The following NOL4 variants were observed in gnomAD, a reference collection of about 807,000 sequenced individuals.
NOL4 encodes the protein nucleolar protein 4.
A neutral mutation model predicts 75.9 loss-of-function variants in NOL4; 17 were observed. The observed-to-expected ratio is 0.22, with a 90% CI of 0.15 to 0.34. The LOEUF is 0.34. Ranked by LOEUF, NOL4 falls within the 10% of genes least tolerant of loss-of-function variation. The pLI, the probability that NOL4 is intolerant of heterozygous loss-of-function variation, is 1.00. For missense variants in NOL4, 614 were observed against 793.5 expected (o/e 0.77, Z 2.72); for synonymous variants, 292 against 289.9 (o/e 1.01, Z -0.07).
intron 1 of NOL4, among the ~76,000 whole-genome samples, chr18:34,207,411 AT>A (rs1429798754): frequency 9.2e-5 from 14 of 152,306 alleles, no homozygotes; most frequent in African/African-American, 3.1e-4. Flanking sequence ...ACAGTTAATG[AT>A]TCCAATGTCA....
chr18:33,969,617 C>A (rs2070880762), intron 6 of NOL4, among the ~76,000 whole-genome samples: 1 of 151,928 alleles, frequency 6.6e-6, no homozygotes, highest in Admixed American at 6.6e-5. Context: ...TTTGTATAAC[C>A]ATAGATGGTA....
At chr18:34,142,274 G>A (rs530194595) in intron 1 of NOL4, among the ~76,000 whole-genome samples, 28 of 152,290 alleles carry the variant, frequency 1.8e-4, no homozygotes, top group African/African-American at 5.1e-4. Context: ...TCAGTGTGGC[G>A]ATTCCTCAAG....
At chr18:34,023,618 C>A in intron 5 of NOL4, 1 of 326,646 alleles carries the variant, frequency 3.1e-6, no homozygotes. Flanking sequence ...AAAACAGCAC[C>A]TGGAGCTTTG....
Position 34,158,698 on chromosome 18 carries a change from C to T in NOL4, c.265-28678G>A, listed in dbSNP as rs1412514368. On this transcript the variant is annotated intron_variant, in intron 1 of 10. Coordinates refer to ENST00000261592, the MANE Select transcript of NOL4 (RefSeq NM_003787.5). ...TTCCTATAAATAGCTATATATCCTT[C>T]TAATGAAAACTAGGGATTCTACATA... The T allele has an allele frequency of 2.0e-5, 3 of 152,208 alleles. No homozygotes were observed. In the South Asian group the frequency reaches 6.2e-4, roughly 31 times the overall value. 9.4% of individuals were successfully genotyped at this position (152,208 alleles called of 1,614,324 possible). A position where few individuals can be genotyped will look rare whatever the true frequency, so the allele number is the denominator to read the frequency against.
At chr18:34,001,083 C>A (rs1375989972) in intron 6 of NOL4, among the ~76,000 whole-genome samples, 1 of 152,002 alleles carries the variant, frequency 6.6e-6, no homozygotes, top group African/African-American at 2.4e-5. Context: ...GAAATTAGGA[C>A]AATATATCTT....
intron 9 of NOL4, among the ~76,000 whole-genome samples, chr18:33,914,129 G>T (rs1230240630): frequency 6.6e-6 from 1 of 152,080 alleles, no homozygotes; most frequent in Non-Finnish European, 1.5e-5. Flanking sequence ...AGCATGAAAG[G>T]AGGATATAAA....
At chr18:34,114,079 C>A (rs1002417150) in intron 2 of NOL4, among the ~76,000 whole-genome samples, 1 of 152,146 alleles carries the variant, frequency 6.6e-6, no homozygotes, top group Non-Finnish European at 1.5e-5. Flanking sequence ...ACTAAAAATA[C>A]TATTCTACTA....
At chr18:33,880,538 A>C (rs1261003826) in intron 10 of NOL4, among the ~76,000 whole-genome samples, 1 of 152,064 alleles carries the variant, frequency 6.6e-6, no homozygotes, top group Non-Finnish European at 1.5e-5. Context: ...ACCAACCAAG[A>C]GTCAGTACAG....
chr18:33,863,195 C>G (rs1301393735), intron 10 of NOL4, among the ~76,000 whole-genome samples: 1 of 152,034 alleles, frequency 6.6e-6, no homozygotes, highest in Non-Finnish European at 1.5e-5. Flanking sequence ...ACCACATATT[C>G]TCACTTATAG....
At chr18:34,195,909 TAAAGA>T (rs1240222958) in intron 1 of NOL4, among the ~76,000 whole-genome samples, 6 of 152,170 alleles carry the variant, frequency 3.9e-5, no homozygotes, top group African/African-American at 1.4e-4. Context: ...TCCCAGTAGA[TAAAGA>T]ATTCATTTTT....
chr18:34,153,838 A>G (rs2029872044), intron 1 of NOL4, among the ~76,000 whole-genome samples: 1 of 152,050 alleles, frequency 6.6e-6, no homozygotes, highest in South Asian at 2.1e-4. Context: ...TGCCATCTAG[A>G]ACATGTGGTT....
intron 2 of NOL4, among the ~76,000 whole-genome samples, chr18:34,123,181 G>A (rs1193130653): frequency 6.7e-6 from 1 of 150,030 alleles, no homozygotes; most frequent in Non-Finnish European, 1.5e-5. Flanking sequence ...CAGATTTGCA[G>A]TATTACTCTG....
At chr18:33,882,874 C>G (rs957313378) in intron 10 of NOL4, among the ~76,000 whole-genome samples, 2 of 151,656 alleles carry the variant, frequency 1.3e-5, no homozygotes, top group African/African-American at 4.9e-5. Flanking sequence ...TACTATGCAG[C>G]CATAAAAAAT....
chr18:34,110,958 A>G lies in NOL4; in HGVS notation c.415-5798T>C, dbSNP rs191580210. ...CATCAAAAATAAAATAAACTAGAAAAACAATTCAATCAAGACGATAAAAGA... is the reference window on the plus strand; with the variant it reads ...CATCAAAAATAAAATAAACTAGAAAGACAATTCAATCAAGACGATAAAAGA... On this transcript the variant is annotated intron_variant, in intron 2 of 10. Transcript: ENST00000261592. Among the ~76,000 whole-genome samples the G allele has an allele frequency of 2.3e-3, 350 of 152,248 alleles. 1 individual carries two copies. Among genetic ancestry groups the G allele is most frequent in the African/African-American group, 8.0e-3 (333 of 41,560 alleles).
chr18:34,060,861 T>C (rs1388306309), intron 5 of NOL4, among the ~76,000 whole-genome samples: 1 of 152,276 alleles, frequency 6.6e-6, no homozygotes, highest in South Asian at 2.1e-4. Flanking sequence ...AGAAGGAAAA[T>C]CTGGGTGAAA....
intron 1 of NOL4, among the ~76,000 whole-genome samples, chr18:34,151,464 T>C (rs1164324147): frequency 6.6e-6 from 1 of 151,792 alleles, no homozygotes; most frequent in African/African-American, 2.4e-5. Flanking sequence ...AAGGTCTAAA[T>C]ACTATATGGT....
intron 9 of NOL4, among the ~76,000 whole-genome samples, chr18:33,899,335 T>G (rs1265542480): frequency 2.0e-5 from 3 of 152,100 alleles, no homozygotes; most frequent in Admixed American, 6.6e-5. Context: ...TTAAGATGGT[T>G]TTTTAGGATG....
chr18:34,176,780 C>T (rs926680012), intron 1 of NOL4, among the ~76,000 whole-genome samples: 2 of 152,012 alleles, frequency 1.3e-5, no homozygotes, highest in African/African-American at 2.4e-5. Context: ...CTTAGACTTG[C>T]GTTTCCAGAA....
chr18:34,094,027 G>A (rs2078650712), intron 4 of NOL4, among the ~76,000 whole-genome samples: 1 of 152,024 alleles, frequency 6.6e-6, no homozygotes, highest in South Asian at 2.1e-4. Context: ...GGGCAACAGA[G>A]CGAGACTCGT....
Sources: allele counts gnomAD v4.1 joint callset (sites outside exome capture counted in the v4.1 genomes callset), GRCh38; gene constraint gnomAD v4.1.1; transcripts MANE v1.5; gene names NCBI Gene and HGNC (gene_info 2026-07-23, HGNC 2026-07-21).